The following DNAH9 variants were observed in gnomAD, a reference collection of about 807,000 sequenced individuals.
The protein encoded by DNAH9 is DNAH9 variant protein.
DNAH9 carries 345 observed loss-of-function variants against 471.6 expected under a neutral mutation model. That is an observed-to-expected ratio of 0.73 (90% CI 0.67 to 0.80). The LOEUF (loss-of-function observed/expected upper bound fraction) is 0.80. Among genes scored for constraint, DNAH9 ranks in the 30% least tolerant of loss-of-function variants. DNAH9 has a pLI of 0.00. For missense variants in DNAH9, 5,407 were observed against 5,609.2 expected (o/e 0.96, Z 1.15); for synonymous variants, 2,093 against 2,123.6 (o/e 0.99, Z 0.40).
intron 61 of DNAH9, among the ~76,000 whole-genome samples, chr17:11,908,058 T>G (rs904664345): frequency 1.3e-5 from 2 of 152,126 alleles, no homozygotes; most frequent in African/African-American, 4.8e-5. Flanking sequence ...CCAAATGCAT[T>G]AACTATACAG....
At chr17:11,857,622 G>T (rs1334453688) in intron 50 of DNAH9, among the ~76,000 whole-genome samples, 1 of 152,216 alleles carries the variant, frequency 6.6e-6, no homozygotes, top group Non-Finnish European at 1.5e-5. Flanking sequence ...ATTTCAGTTT[G>T]ATTACTGTAT....
At chr17:11,934,743 C>T (rs371528840) in intron 65 of DNAH9, among the ~76,000 whole-genome samples, 76 of 152,210 alleles carry the variant, frequency 5.0e-4, no homozygotes, top group African/African-American at 1.6e-3. Flanking sequence ...TGAGCCGCCG[C>T]GCCTGGCCTG....
intron 14 of DNAH9, among the ~76,000 whole-genome samples, chr17:11,655,918 A>G (rs2150708757): frequency 6.6e-6 from 1 of 152,204 alleles, no homozygotes; most frequent in African/African-American, 2.4e-5. Flanking sequence ...ACACATACAC[A>G]CACACATACA....
chr17:11,874,039 G>C (rs1295419393), intron 52 of DNAH9, among the ~76,000 whole-genome samples: 3 of 152,066 alleles, frequency 2.0e-5, no homozygotes, highest in Non-Finnish European at 2.9e-5. Context: ...GAGGTCAGGA[G>C]TTCGAGACCA....
chr17:11,850,691 A>G (rs939343686), intron 49 of DNAH9, among the ~76,000 whole-genome samples: 5 of 151,064 alleles, frequency 3.3e-5, no homozygotes, highest in African/African-American at 1.2e-4. Flanking sequence ...TTGTGTTTCT[A>G]TTAGCACCAC....
chr17:11,638,076 G>A (rs1016736021), intron 9 of DNAH9, among the ~76,000 whole-genome samples: 1 of 152,220 alleles, frequency 6.6e-6, no homozygotes, highest in East Asian at 1.9e-4. Flanking sequence ...AGCTTGGGAA[G>A]TGCTCAGTGT....
intron 49 of DNAH9, among the ~76,000 whole-genome samples, chr17:11,844,140 C>A (rs2150961562): frequency 6.6e-6 from 1 of 151,426 alleles, no homozygotes; most frequent in Admixed American, 6.6e-5. Flanking sequence ...GTTTTCAGAT[C>A]AGTTTTTATG....
chr17:11,693,831 G>T, intron 20 of DNAH9, 37 bp from the exon 21 acceptor site: 1 of 1,613,244 alleles, frequency 6.2e-7, no homozygotes, highest in Non-Finnish European at 8.5e-7. Flanking sequence ...GAACTGAGTG[G>T]AGTGGTGGTT....
At chr17:11,922,838 C>T (rs1161494018) in intron 61 of DNAH9, among the ~76,000 whole-genome samples, 1 of 152,156 alleles carries the variant, frequency 6.6e-6, no homozygotes, top group Non-Finnish European at 1.5e-5. Flanking sequence ...AGAGAAGACA[C>T]AATATTTATT....
intron 41 of DNAH9, among the ~76,000 whole-genome samples, chr17:11,790,359 G>T (rs1969020443): frequency 1.3e-5 from 2 of 151,924 alleles, no homozygotes; most frequent in South Asian, 4.1e-4. Context: ...TATTTATTAG[G>T]TACATACAGA....
At chr17:11,708,594 G>C (rs1178899899) in intron 26 of DNAH9, among the ~76,000 whole-genome samples, 2 of 152,118 alleles carry the variant, frequency 1.3e-5, no homozygotes, top group African/African-American at 4.8e-5. Context: ...TCCTGTCTGG[G>C]TTAAAGGAAA....
intron 1 of DNAH9, among the ~76,000 whole-genome samples, chr17:11,603,246 C>T (rs2072423808): frequency 6.6e-6 from 1 of 152,038 alleles, no homozygotes; most frequent in Non-Finnish European, 1.5e-5. Flanking sequence ...TTTTTCTATT[C>T]CAACTATATT....
chr17:11,693,004 C>G (rs935355531), intron 20 of DNAH9, among the ~76,000 whole-genome samples: 2 of 151,018 alleles, frequency 1.3e-5, no homozygotes, highest in Non-Finnish European at 2.9e-5. Context: ...CTCCCGGTTT[C>G]GAGCGATTCT....
At chr17:11,963,625 T>A (rs1976435727) in intron 68 of DNAH9, among the ~76,000 whole-genome samples, 1 of 151,860 alleles carries the variant, frequency 6.6e-6, no homozygotes, top group African/African-American at 2.4e-5. Flanking sequence ...ATGTAACAAA[T>A]CTGCATATGT....
intron 57 of DNAH9, among the ~76,000 whole-genome samples, chr17:11,889,749 G>A (rs762104997): frequency 5.9e-5 from 9 of 152,206 alleles, no homozygotes. Flanking sequence ...CCCACTATAT[G>A]TGCTCATAAC....
chr17:11,674,305 T>C (rs768444781), intron 17 of DNAH9, among the ~76,000 whole-genome samples: 84 of 152,160 alleles, frequency 5.5e-4, no homozygotes, highest in Non-Finnish European at 1.1e-3. Flanking sequence ...CCTTCCAAGG[T>C]AGAGACAGCC....
intron 66 of DNAH9, among the ~76,000 whole-genome samples, chr17:11,940,247 C>T (rs935401250): frequency 2.0e-5 from 3 of 152,312 alleles, no homozygotes; most frequent in African/African-American, 7.2e-5. Flanking sequence ...AGAGGGGCCC[C>T]GCATACGTCT....
chr17:11,872,944 C>T (rs1348452077), intron 52 of DNAH9, among the ~76,000 whole-genome samples: 1 of 152,140 alleles, frequency 6.6e-6, no homozygotes, highest in Non-Finnish European at 1.5e-5. Context: ...CAAAAACAGT[C>T]AGTGAGGGTG....
chr17:11,745,716 A>G lies in DNAH9; in HGVS notation c.6399+632A>G, dbSNP rs552677266. On this transcript the variant is annotated intron_variant, in intron 31 of 68. Transcript: ENST00000262442. The stretch of plus-strand genomic sequence containing the variant: ...ATCCATCAAACAAGAATTAGATGCC[A>G]TTGTACAAAGAAAGCACTATTGGAG... Among the ~76,000 whole-genome samples the G allele has an allele frequency of 5.3e-5, 8 of 152,340 alleles. No homozygotes were observed. The South Asian group carries it at 1.7e-3, about 32-fold the overall frequency.
Sources: allele counts gnomAD v4.1 joint callset (sites outside exome capture counted in the v4.1 genomes callset), GRCh38; gene constraint gnomAD v4.1.1; transcripts MANE v1.5; gene names NCBI Gene and HGNC (gene_info 2026-07-23, HGNC 2026-07-21).